PDE7B: variants seen among roughly 807,000 people sequenced by gnomAD.
PDE7B encodes the protein phosphodiesterase 7B.
In PDE7B, 29 loss-of-function variants were observed where a neutral mutation model predicts 56.2. The observed-to-expected ratio is 0.52, with a 90% CI of 0.38 to 0.70. PDE7B has a LOEUF of 0.70. Ranked by LOEUF, PDE7B falls within the 30% of genes least tolerant of loss-of-function variation. PDE7B has a pLI of 0.00. For missense variants in PDE7B, 490 were observed against 565.0 expected (o/e 0.87, Z 1.35); for synonymous variants, 197 against 196.9 (o/e 1.00, Z 0.00).
At position 135,936,391 on chromosome 6, in the gene PDE7B, G is replaced by A. The variant is rs548188829; in HGVS notation, c.22-11073G>A. Among the ~76,000 whole-genome samples, 6 of 152,286 alleles carry A rather than the reference G, an allele frequency of 3.9e-5. No homozygotes were observed. The East Asian group carries it at 1.2e-3, about 29-fold the overall frequency. On this transcript the variant is annotated intron_variant, in intron 1 of 12. Transcript: ENST00000308191. ...CTTATAAAGTAGCTTGACAATTGCA[G>A]TGTAAATCAGGAAAACGAATGCCTA... is the stretch of plus-strand genomic sequence containing the variant.
intron 1 of PDE7B, among the ~76,000 whole-genome samples, chr6:135,928,867 A>T (rs960826381): frequency 5.3e-5 from 8 of 152,052 alleles, no homozygotes; most frequent in African/African-American, 1.7e-4. Context: ...TACTATGCTC[A>T]CTACCTGGGT....
At chr6:135,958,378 T>TGGAGCAG (rs1774837966) in intron 2 of PDE7B, among the ~76,000 whole-genome samples, 2 of 152,356 alleles carry the variant, frequency 1.3e-5, no homozygotes, top group Non-Finnish European at 2.9e-5. Flanking sequence ...TTTTAAAATG[T>TGGAGCAG]TCCAGAGACA....
At chr6:135,917,190 C>A (rs1773969122) in intron 1 of PDE7B, among the ~76,000 whole-genome samples, 2 of 152,148 alleles carry the variant, frequency 1.3e-5, no homozygotes, top group Non-Finnish European at 2.9e-5. Context: ...GGTTTCCTTT[C>A]AAGATGGTTT....
intron 2 of PDE7B, among the ~76,000 whole-genome samples, chr6:136,085,991 A>G (rs2128215607): frequency 6.6e-6 from 1 of 152,268 alleles, no homozygotes; most frequent in Non-Finnish European, 1.5e-5. Context: ...TCATACTCTT[A>G]CGGTTTTGCT....
intron 2 of PDE7B, among the ~76,000 whole-genome samples, chr6:136,088,101 GTT>G (rs988471525): frequency 6.6e-6 from 1 of 152,176 alleles, no homozygotes; most frequent in African/African-American, 2.4e-5. Context: ...CACTCTGAGT[GTT>G]TCTTTTACCA....
intron 3 of PDE7B, among the ~76,000 whole-genome samples, chr6:136,138,964 A>AT (rs1208861196): frequency 3.9e-5 from 6 of 152,032 alleles, no homozygotes; most frequent in Non-Finnish European, 5.9e-5. Flanking sequence ...TAATTACTGG[A>AT]TTTTTTTGTT....
At chr6:136,053,668 C>A (rs1391796292) in intron 2 of PDE7B, among the ~76,000 whole-genome samples, 1 of 152,152 alleles carries the variant, frequency 6.6e-6, no homozygotes, top group Non-Finnish European at 1.5e-5. Flanking sequence ...AGTTTACAGT[C>A]CCACCAACAT....
At chr6:135,926,488 TG>T (rs35912372) in intron 1 of PDE7B, among the ~76,000 whole-genome samples, 7,740 of 149,916 alleles carry the variant, frequency 0.052, 474 homozygotes, top group East Asian at 0.29. Context: ...GAACTGCGGG[TG>T]GGGGGGGCTT....
At chr6:136,031,838 G>T (rs1355072708) in intron 2 of PDE7B, among the ~76,000 whole-genome samples, 1 of 151,726 alleles carries the variant, frequency 6.6e-6, no homozygotes, top group Non-Finnish European at 1.5e-5. Flanking sequence ...TCTTATTAGT[G>T]GTCTAGTTTA....
At chr6:135,958,264 CCT>C (rs147884479) in intron 2 of PDE7B, among the ~76,000 whole-genome samples, 4,775 of 152,152 alleles carry the variant, frequency 0.031, 256 homozygotes, top group African/African-American at 0.11. Context: ...TCTTCCTCAT[CCT>C]CTCTAATTCT....
chr6:135,970,431 G>C (rs1193270498), intron 2 of PDE7B, among the ~76,000 whole-genome samples: 1 of 120,494 alleles, frequency 8.3e-6, no homozygotes, highest in Non-Finnish European at 1.7e-5. Flanking sequence ...ACCCCAGTGG[G>C]GCAAAATTAT....
At chr6:136,105,906 A>T (rs1409314512) in intron 2 of PDE7B, among the ~76,000 whole-genome samples, 1 of 152,266 alleles carries the variant, frequency 6.6e-6, no homozygotes. Flanking sequence ...TGTCACAGGC[A>T]TTAAAAACTT....
At chr6:136,068,566 G>A (rs1396436362) in intron 2 of PDE7B, among the ~76,000 whole-genome samples, 1 of 151,824 alleles carries the variant, frequency 6.6e-6, no homozygotes, top group African/African-American at 2.4e-5. Flanking sequence ...GAGTAGCTGG[G>A]ACTACAGGCG....
chr6:135,899,940 C>T (rs191426470), intron 1 of PDE7B, among the ~76,000 whole-genome samples: 1 of 152,138 alleles, frequency 6.6e-6, no homozygotes. Context: ...CCTTATATAA[C>T]TTCTGGAATT....
chr6:135,919,153 C>T (rs1774015518), intron 1 of PDE7B, among the ~76,000 whole-genome samples: 1 of 152,208 alleles, frequency 6.6e-6, no homozygotes, highest in African/African-American at 2.4e-5. Context: ...AACAAAAGAA[C>T]TCCTCTGGCT....
chr6:136,046,673 T>C (rs1388561187), intron 2 of PDE7B, among the ~76,000 whole-genome samples: 2 of 152,152 alleles, frequency 1.3e-5, no homozygotes, highest in Non-Finnish European at 2.9e-5. Context: ...AACTGTCTCT[T>C]TGACATGACC....
chr6:136,062,243 T>C (rs1397532316), intron 2 of PDE7B, among the ~76,000 whole-genome samples: 2 of 152,170 alleles, frequency 1.3e-5, no homozygotes, highest in African/African-American at 2.4e-5. Flanking sequence ...CAAATAAAAA[T>C]TGTATATGTT....
intron 2 of PDE7B, among the ~76,000 whole-genome samples, chr6:136,011,921 G>T (rs1775901115): frequency 1.3e-5 from 2 of 152,126 alleles, no homozygotes; most frequent in African/African-American, 4.8e-5. Flanking sequence ...AATATAGTTT[G>T]TACATCTCCC....
chr6:136,106,266 T>G (rs1176958818), intron 2 of PDE7B, among the ~76,000 whole-genome samples: 1 of 152,226 alleles, frequency 6.6e-6, no homozygotes, highest in Non-Finnish European at 1.5e-5. Flanking sequence ...TTAAAGTCAG[T>G]GAGTCTATCA....
Sources: gnomAD v4.1 joint callset for allele counts (sites outside exome capture counted in the v4.1 genomes callset) on GRCh38, gnomAD v4.1.1 for gene constraint, MANE v1.5 for transcripts, NCBI Gene and HGNC (gene_info 2026-07-23, HGNC 2026-07-21) for gene names.